Variants in DGKB observed in about 807,000 individuals in gnomAD.
The protein encoded by DGKB is 90 kDa diacylglycerol kinase.
Under a neutral mutation model 114.3 loss-of-function variants are expected in DGKB, and 67 were observed. The observed-to-expected ratio is 0.59, with a 90% CI of 0.48 to 0.72. The LOEUF (loss-of-function observed/expected upper bound fraction) is 0.72, where lower values mean the gene tolerates loss of function less well. Among genes scored for constraint, DGKB ranks in the 30% least tolerant of loss-of-function variants. The pLI, the probability that DGKB is intolerant of heterozygous loss-of-function variation, is 0.00. For synonymous variants in DGKB, 398 were observed against 323.1 expected (o/e 1.23, Z -2.49); for missense variants, 907 against 975.2 (o/e 0.93, Z 0.93).
rs1563556678 is a variant in DGKB at position 14,574,320 on chromosome 7, T to C, written c.1662A>G (p.Thr554=). 1 of 1,613,468 alleles carries C rather than the reference T, an allele frequency of 6.2e-7. No individual in the cohort carries two copies. The highest frequency in any genetic ancestry group is 8.5e-7 in the Non-Finnish European group (1 of 1,179,632). The change falls in exon 20 of 26, where the codon ACA becomes ACG. Residue 554 remains threonine, a synonymous_variant. Coordinates refer to ENST00000402815, the MANE Select transcript of DGKB (RefSeq NM_001350709.2). ...MKILKDIENS[T]EIMLDRWKFE... ...ACTTCCACCTGTCCAACATGATTTCTGTGCTGTTTTCAATGTCTTTTAGAA... is the reference window on the plus strand; with the variant it reads ...ACTTCCACCTGTCCAACATGATTTCCGTGCTGTTTTCAATGTCTTTTAGAA...
At chr7:14,187,356 C>T (rs888444025) in intron 23 of DGKB, among the ~76,000 whole-genome samples, 2 of 152,048 alleles carry the variant, frequency 1.3e-5, no homozygotes, top group Non-Finnish European at 2.9e-5. Flanking sequence ...CACACCTGCA[C>T]ACACCTGAGC....
At chr7:14,398,742 A>G (rs920239759) in intron 21 of DGKB, among the ~76,000 whole-genome samples, 2 of 151,738 alleles carry the variant, frequency 1.3e-5, no homozygotes, top group Non-Finnish European at 2.9e-5. Context: ...TGTTATCTGG[A>G]GTCATCTATG....
intron 2 of DGKB, among the ~76,000 whole-genome samples, chr7:14,766,422 T>C (rs1277869371): frequency 2.6e-5 from 4 of 151,852 alleles, no homozygotes; most frequent in Admixed American, 2.0e-4. Context: ...GTTGTGACAG[T>C]AATGTGTCAA....
intron 2 of DGKB, among the ~76,000 whole-genome samples, chr7:14,779,724 G>T (rs1280608948): frequency 6.6e-6 from 1 of 152,058 alleles, no homozygotes; most frequent in Non-Finnish European, 1.5e-5. Flanking sequence ...TAAAAGGTGA[G>T]AAATATACAT....
chr7:14,969,533 A>ACCTGAG (rs1399997730), intron 1 of DGKB, among the ~76,000 whole-genome samples: 2 of 152,246 alleles, frequency 1.3e-5, no homozygotes, highest in East Asian at 3.9e-4. Context: ...GCCAATGAGC[A>ACCTGAG]TTACTGCCTG....
intron 6 of DGKB, among the ~76,000 whole-genome samples, chr7:14,710,846 C>A (rs1029949882): frequency 6.6e-6 from 1 of 151,964 alleles, no homozygotes; most frequent in Non-Finnish European, 1.5e-5. Context: ...CTGTAATAAT[C>A]CCAAATTGAA....
At chr7:14,265,006 C>G (rs560536571) in intron 23 of DGKB, among the ~76,000 whole-genome samples, 1 of 152,236 alleles carries the variant, frequency 6.6e-6, no homozygotes, top group South Asian at 2.1e-4. Flanking sequence ...GTGATGGACA[C>G]TGGCAGAATC....
chr7:14,840,433 T>G (rs1847766963), intron 2 of DGKB, among the ~76,000 whole-genome samples: 1 of 152,170 alleles, frequency 6.6e-6, no homozygotes, highest in African/African-American at 2.4e-5. Flanking sequence ...TAGTTGAAAG[T>G]CACTTTATGA....
intron 2 of DGKB, among the ~76,000 whole-genome samples, chr7:14,834,187 G>A (rs1199331610): frequency 2.6e-5 from 4 of 152,050 alleles, no homozygotes; most frequent in East Asian, 3.9e-4. Flanking sequence ...GATAATTTTT[G>A]TTATAAATTG....
intron 21 of DGKB, among the ~76,000 whole-genome samples, chr7:14,406,183 A>T (rs1329275021): frequency 6.6e-6 from 1 of 152,022 alleles, no homozygotes; most frequent in Non-Finnish European, 1.5e-5. Context: ...AATGACTTCC[A>T]GTGACTGAAC....
intron 23 of DGKB, among the ~76,000 whole-genome samples, chr7:14,334,867 T>A (rs1810394725): frequency 6.6e-6 from 1 of 152,176 alleles, no homozygotes; most frequent in African/African-American, 2.4e-5. Flanking sequence ...GAAGACTAAT[T>A]TGGCCTAGTT....
chr7:14,537,686 C>G (rs941164048), intron 20 of DGKB, among the ~76,000 whole-genome samples: 1 of 152,168 alleles, frequency 6.6e-6, no homozygotes, highest in African/African-American at 2.4e-5. Context: ...CAAAACAAAA[C>G]TTTCAGAAGA....
At chr7:14,218,611 T>A (rs1318953684) in intron 23 of DGKB, among the ~76,000 whole-genome samples, 2 of 152,004 alleles carry the variant, frequency 1.3e-5, no homozygotes, top group Non-Finnish European at 2.9e-5. Context: ...GAATAAGAGA[T>A]GGCTTGAAGG....
intron 23 of DGKB, among the ~76,000 whole-genome samples, chr7:14,222,257 T>A (rs1287698339): frequency 6.6e-6 from 1 of 150,982 alleles, no homozygotes; most frequent in Non-Finnish European, 1.5e-5. Context: ...AGGCTATTTA[T>A]TTAAGCTGTT....
chr7:14,802,719 C>T (rs1842328624), intron 2 of DGKB, among the ~76,000 whole-genome samples: 2 of 152,044 alleles, frequency 1.3e-5, no homozygotes, highest in African/African-American at 4.8e-5. Flanking sequence ...TTCTTCAGTT[C>T]ATTTATAAAA....
intron 22 of DGKB, among the ~76,000 whole-genome samples, chr7:14,339,496 C>G (rs1465498940): frequency 1.3e-5 from 2 of 151,734 alleles, no homozygotes; most frequent in Non-Finnish European, 1.5e-5. Flanking sequence ...GACAAAACAC[C>G]CTGGTGATTA....
In DGKB at chr7:14,736,402, T is replaced by C. The variant is rs566987191; in HGVS notation, c.169-208A>G. Among the ~76,000 whole-genome samples the C allele has an allele frequency of 4.6e-5, 7 of 152,322 alleles. No individual in the cohort carries two copies. In the South Asian group the frequency reaches 1.4e-3, roughly 32 times the overall value. ...TATGTTTGTCTTACCTGTGATGGCA[T>C]AGCAGGAAGAGGAAGAAGTTTCTAG... On this transcript the variant is annotated intron_variant, in intron 4 of 25. Coordinates refer to ENST00000402815, the MANE Select transcript of DGKB (RefSeq NM_001350709.2).
At chr7:14,565,094 T>C (rs1716845240) in intron 20 of DGKB, among the ~76,000 whole-genome samples, 2 of 152,196 alleles carry the variant, frequency 1.3e-5, no homozygotes, top group Admixed American at 1.3e-4. Context: ...AGTTATGTGA[T>C]ATTCTTTGGC....
intron 2 of DGKB, among the ~76,000 whole-genome samples, chr7:14,763,235 A>T (rs1835968242): frequency 6.6e-6 from 1 of 152,038 alleles, no homozygotes; most frequent in African/African-American, 2.4e-5. Context: ...CTGTCAACTT[A>T]TCCACAAAAT....
Sources: allele counts gnomAD v4.1 joint callset (sites outside exome capture counted in the v4.1 genomes callset), GRCh38; gene constraint gnomAD v4.1.1; transcripts MANE v1.5; gene names NCBI Gene and HGNC (gene_info 2026-07-23, HGNC 2026-07-21).